Variants in RNF130 observed in about 807,000 individuals in gnomAD.
RNF130 encodes ring finger protein 130, also known as E3 ubiquitin-protein ligase RNF130.
Under a neutral mutation model 44.6 loss-of-function variants are expected in RNF130, and 21 were observed. The ratio of observed to expected loss-of-function variants is 0.47; its 90% CI spans 0.33 to 0.68. The LOEUF is 0.68. Ranked by LOEUF, RNF130 falls within the 30% of genes least tolerant of loss-of-function variation. The pLI is 0.02. For synonymous variants in RNF130, 214 were observed against 210.4 expected, an observed-to-expected ratio of 1.02 and a Z score of -0.15; for missense variants, 479 against 560.6, an observed-to-expected ratio of 0.85 and a Z score of 1.47.
chr5:180,029,742 G>A (rs1582203112), intron 2 of RNF130, among the ~76,000 whole-genome samples: 4 of 151,942 alleles, frequency 2.6e-5, no homozygotes, highest in Middle Eastern at 3.4e-3. Flanking sequence ...GTTTTGTTAT[G>A]TCTAGAACAG....
chr5:180,055,453 CGTGTGTGT>C (rs1307591362), intron 1 of RNF130, among the ~76,000 whole-genome samples: 1 of 91,780 alleles, frequency 1.1e-5, no homozygotes, highest in Non-Finnish European at 2.4e-5. Flanking sequence ...TGTGTGTGTG[CGTGTGTGT>C]GTGTGTGTGC....
chr5:179,976,095 G>T (rs1251831774), intron 5 of RNF130, among the ~76,000 whole-genome samples: 1 of 152,166 alleles, frequency 6.6e-6, no homozygotes, highest in African/African-American at 2.4e-5. Context: ...GCTAGGGTGG[G>T]AGGATACTTG....
exon 8 of RNF130, chr5:179,915,868 C>T (rs1761537035): frequency 6.6e-6 from 1 of 152,506 alleles, no homozygotes; most frequent in Admixed American, 6.6e-5. Flanking sequence ...CCTGGAAGTC[C>T]CTCCTCATCC....
At chr5:179,932,419 G>A (rs145441798) in intron 7 of RNF130, among the ~76,000 whole-genome samples, 35 of 151,876 alleles carry the variant, frequency 2.3e-4, no homozygotes, top group African/African-American at 7.2e-4. Context: ...CACCACTCCC[G>A]GCTGATTTTT....
intron 1 of RNF130, among the ~76,000 whole-genome samples, chr5:180,053,934 A>G (rs1043762626): frequency 4.0e-5 from 6 of 150,636 alleles, no homozygotes. Flanking sequence ...GGTTCAAGCG[A>G]TTCTCCTGCT....
chr5:179,966,754 T>C lies in RNF130; in HGVS notation c.1150+52A>G. 7 of 1,533,716 alleles carry C rather than the reference T, an allele frequency of 4.6e-6. No individual in the cohort carries two copies. The South Asian group carries it at 7.0e-5, about 15-fold the overall frequency. On this transcript the variant is annotated intron_variant, in intron 7 of 8. Coordinates refer to ENST00000521389, the MANE Select transcript of RNF130 (RefSeq NM_018434.6). ...CCTTGACTCTCCTGATGGTCCCGAATGCCCACATAGGCAGCCACATGCCCT... is the reference window on the plus strand; with the variant it reads ...CCTTGACTCTCCTGATGGTCCCGAACGCCCACATAGGCAGCCACATGCCCT...
At chr5:179,947,401 T>C (rs1762057951) in intron 7 of RNF130, among the ~76,000 whole-genome samples, 1 of 152,158 alleles carries the variant, frequency 6.6e-6, no homozygotes, top group Admixed American at 6.5e-5. Flanking sequence ...TTCCTGGCCT[T>C]TTCTACTATC....
chr5:180,034,203 T>C (rs1253563825), intron 2 of RNF130, among the ~76,000 whole-genome samples: 1 of 145,738 alleles, frequency 6.9e-6, no homozygotes, highest in African/African-American at 2.5e-5. Flanking sequence ...TTTTCAGATG[T>C]AAAAAAAAAA....
At chr5:180,008,534 T>C (rs966287121) in intron 3 of RNF130, among the ~76,000 whole-genome samples, 7 of 152,178 alleles carry the variant, frequency 4.6e-5, no homozygotes, top group African/African-American at 1.4e-4. Flanking sequence ...ACTGAAATCA[T>C]AGAGTATTTC....
intron 1 of RNF130, among the ~76,000 whole-genome samples, chr5:180,054,164 T>G (rs999523893): frequency 6.6e-6 from 1 of 152,174 alleles, no homozygotes; most frequent in Non-Finnish European, 1.5e-5. Context: ...TTTACTTCAT[T>G]TCAGTAGAAC....
intron 3 of RNF130, among the ~76,000 whole-genome samples, chr5:179,991,480 G>T (rs1763080601): frequency 6.6e-6 from 1 of 152,174 alleles, no homozygotes; most frequent in African/African-American, 2.4e-5. Context: ...AAACACCAAT[G>T]ATTCAGTTTA....
intron 2 of RNF130, among the ~76,000 whole-genome samples, chr5:180,019,631 T>TA (rs921427135): frequency 5.3e-5 from 8 of 152,152 alleles, no homozygotes; most frequent in South Asian, 2.1e-4. Context: ...ACTGATCCCT[T>TA]AAAGAACTCA....
At chr5:179,930,951 A>C (rs541577581) in intron 7 of RNF130, among the ~76,000 whole-genome samples, 1 of 149,744 alleles carries the variant, frequency 6.7e-6, no homozygotes, top group Non-Finnish European at 1.5e-5. Flanking sequence ...CTGAGGCATG[A>C]GAACCCAGGA....
chr5:179,994,219 TTAAAG>T (rs1440951357), intron 3 of RNF130, among the ~76,000 whole-genome samples: 1 of 152,294 alleles, frequency 6.6e-6, no homozygotes, highest in African/African-American at 2.4e-5. Context: ...CATATGAACT[TTAAAG>T]TAGTTTTTTT....
chr5:180,019,937 G>A (rs1481851122), intron 2 of RNF130, among the ~76,000 whole-genome samples: 1 of 152,238 alleles, frequency 6.6e-6, no homozygotes, highest in African/African-American at 2.4e-5. Flanking sequence ...GTTGGGCAAA[G>A]TGACTGGAAT....
intron 3 of RNF130, among the ~76,000 whole-genome samples, chr5:179,982,529 TC>T (rs1416375066): frequency 6.6e-6 from 1 of 152,126 alleles, no homozygotes; most frequent in African/African-American, 2.4e-5. Context: ...TTATAGTTCC[TC>T]CACATTCTCA....
In RNF130 at chr5:180,018,422, G is replaced by A. The variant is rs541089049; in HGVS notation, c.443-5111C>T. ...AAGGCACCTCTTCACAGGGCAGCAG[G>A]AGAGAGAACGAGTGCAAGTTGGGGA... is the stretch of plus-strand genomic sequence containing the variant. On this transcript the variant is annotated intron_variant, in intron 2 of 8. Coordinates refer to ENST00000521389, the MANE Select transcript of RNF130 (RefSeq NM_018434.6). Among the ~76,000 whole-genome samples the A allele has an allele frequency of 2.2e-4, 33 of 152,312 alleles. 1 individual carries two copies. Among genetic ancestry groups the A allele is most frequent in the African/African-American group, 7.5e-4 (31 of 41,572 alleles).
At chr5:179,960,389 C>T (rs1485199266) in intron 8 of RNF130, among the ~76,000 whole-genome samples, 1 of 152,228 alleles carries the variant, frequency 6.6e-6, no homozygotes, top group Non-Finnish European at 1.5e-5. Context: ...AGTATTTCAT[C>T]ATAACAGAAG....
chr5:180,021,945 T>G (rs1763880726), intron 2 of RNF130, among the ~76,000 whole-genome samples: 1 of 152,206 alleles, frequency 6.6e-6, no homozygotes, highest in Non-Finnish European at 1.5e-5. Flanking sequence ...TCCGTCAGTC[T>G]GCAACTGTCT....
Sources: gnomAD v4.1 joint callset for allele counts (sites outside exome capture counted in the v4.1 genomes callset) on GRCh38, gnomAD v4.1.1 for gene constraint, MANE v1.5 for transcripts, NCBI Gene and HGNC (gene_info 2026-07-23, HGNC 2026-07-21) for gene names.